Variants in TTC28 observed in about 807,000 individuals in gnomAD.
TTC28 encodes tetratricopeptide repeat domain 28.
TTC28 carries 61 observed loss-of-function variants against 198.0 expected under a neutral mutation model. The ratio of observed to expected loss-of-function variants is 0.31; its 90% confidence interval spans 0.25 to 0.38. The LOEUF is 0.38. Among genes scored for constraint, TTC28 ranks in the 10% least tolerant of loss-of-function variants. The pLI is 1.00. For synonymous variants in TTC28, 1,171 were observed against 1,297.8 expected, an observed-to-expected ratio of 0.90 and a Z score of 2.10; for missense variants, 2,678 against 3,164.0, an observed-to-expected ratio of 0.85 and a Z score of 3.69.
chr22:28,468,332 AC>A (rs1357793285), intron 2 of TTC28, among the ~76,000 whole-genome samples: 1 of 152,102 alleles, frequency 6.6e-6, no homozygotes, highest in African/African-American at 2.4e-5. Context: ...CAATCCCAAG[AC>A]CCACAGAATC....
intron 2 of TTC28, among the ~76,000 whole-genome samples, chr22:28,486,067 G>T (rs2048311457): frequency 6.6e-6 from 1 of 151,978 alleles, no homozygotes; most frequent in South Asian, 2.1e-4. Context: ...CAATTATAAG[G>T]GAAAATTGAT....
At chr22:28,621,516 A>G (rs1330291376) in intron 2 of TTC28, among the ~76,000 whole-genome samples, 3 of 151,838 alleles carry the variant, frequency 2.0e-5, no homozygotes, top group Non-Finnish European at 4.4e-5. Flanking sequence ...GGAGTTTGAG[A>G]CCAGCCTGGG....
rs908560326 is a variant in TTC28 at position 27,980,806 on chromosome 22, C to G, written c.*1415G>C. On this transcript the variant is annotated 3_prime_UTR_variant, in exon 23 of 23. Transcript: ENST00000397906. Reference sequence around the variant, plus strand: ...TCTTTATAAAATAAATTAATGGTTACCCCTAACTAGATGATTCCCTTGTCT... The same window carrying G: ...TCTTTATAAAATAAATTAATGGTTAGCCCTAACTAGATGATTCCCTTGTCT... 1 of 152,228 alleles carries G rather than the reference C, an allele frequency of 6.6e-6. No individual in the cohort carries two copies. Among genetic ancestry groups the G allele is most frequent in the Non-Finnish European group, 1.5e-5 (1 of 68,056 alleles). 9.4% of individuals were successfully genotyped at this position (152,228 alleles called of 1,614,324 possible). A position where few individuals can be genotyped will look rare whatever the true frequency, so the allele number is the denominator to read the frequency against.
chr22:28,547,696 C>T (rs1226996712), intron 2 of TTC28, among the ~76,000 whole-genome samples: 1 of 151,664 alleles, frequency 6.6e-6, no homozygotes, highest in African/African-American at 2.4e-5. Context: ...GCATTCCTTC[C>T]ATAGTCAGAC....
chr22:28,284,682 C>CAA (rs2044647122), intron 5 of TTC28, among the ~76,000 whole-genome samples: 1 of 151,840 alleles, frequency 6.6e-6, no homozygotes, highest in South Asian at 2.1e-4. Context: ...TTAAAAAAAG[C>CAA]AAAGGACCTG....
intron 13 of TTC28, 110 bp downstream of exon 13, chr22:28,030,116 A>G: frequency 1.4e-6 from 2 of 1,439,130 alleles, no homozygotes; most frequent in Non-Finnish European, 9.3e-7. Flanking sequence ...CAAATGCATG[A>G]CACGAGCCAG....
Position 28,107,380 on chromosome 22 carries a change from T to C in TTC28, c.2465A>G (p.Asp822Gly), listed in dbSNP as rs1410226399. The C allele has an allele frequency of 2.6e-6, 4 of 1,551,750 alleles. No homozygotes were observed. The highest frequency in any genetic ancestry group is 2.6e-6 in the Non-Finnish European group (3 of 1,147,052). The change falls in exon 7 of 23, where the codon GAT becomes GGT. Residue 822 changes from aspartate to glycine, a missense_variant. By Grantham distance (94) the Asp-to-Gly change is moderately conservative (BLOSUM62 -1). Coordinates refer to ENST00000397906, the MANE Select transcript of TTC28 (RefSeq NM_001145418.2). Reference sequence around the variant, plus strand: ...CGGATCCTTCAGCTTTTGCCCTAGATCCAGTTGCTCTTCATAACACTTGAA... The same window carrying C: ...CGGATCCTTCAGCTTTTGCCCTAGACCCAGTTGCTCTTCATAACACTTGAA... Reference protein sequence around the residue: ...MAFKCYEEQLDLGQKLKDPSL... With the variant: ...MAFKCYEEQLGLGQKLKDPSL...
At chr22:28,169,677 TG>T (rs1922446929) in intron 5 of TTC28, among the ~76,000 whole-genome samples, 1 of 151,890 alleles carries the variant, frequency 6.6e-6, no homozygotes, top group African/African-American at 2.4e-5. Flanking sequence ...TTGTGGGTTG[TG>T]GGGAGCGGGG....
rs973808241 is a variant in TTC28, at chr22:28,478,030, A to G, written c.381+151522T>C. Among the ~76,000 whole-genome samples, 134 of 152,062 alleles carry G rather than the reference A, an allele frequency of 8.8e-4. 2 individuals are homozygous for G. The highest frequency in any genetic ancestry group is 2.1e-4 in the Non-Finnish European group (14 of 68,006). ...ACTGGACCACCCAGCTGACCCCTAG[A>G]CTTCATGATTATTCTTGTATACCTC... On this transcript the variant is annotated intron_variant, in intron 2 of 22. Coordinates refer to ENST00000397906, the MANE Select transcript of TTC28 (RefSeq NM_001145418.2).
chr22:28,188,537 C>T (rs1924416358), intron 5 of TTC28, among the ~76,000 whole-genome samples: 1 of 152,132 alleles, frequency 6.6e-6, no homozygotes, highest in South Asian at 2.1e-4. Context: ...TAAGTCTGCT[C>T]CCCTAATCTG....
At chr22:28,607,618 G>A (rs2050754622) in intron 2 of TTC28, among the ~76,000 whole-genome samples, 1 of 152,094 alleles carries the variant, frequency 6.6e-6, no homozygotes, top group South Asian at 2.1e-4. Context: ...ATGCACAGAT[G>A]TTAAGACTTT....
chr22:28,065,029 T>A (rs1025743050), intron 12 of TTC28, among the ~76,000 whole-genome samples: 1 of 152,192 alleles, frequency 6.6e-6, no homozygotes, highest in East Asian at 1.9e-4. Flanking sequence ...ACATTATACA[T>A]AGGAATGCAT....
chr22:28,620,644 T>G (rs942067828), intron 2 of TTC28, among the ~76,000 whole-genome samples: 1 of 152,148 alleles, frequency 6.6e-6, no homozygotes, highest in Admixed American at 6.5e-5. Context: ...TACCAAAATG[T>G]AGAAGTGGTC....
chr22:28,125,015 C>T (rs1942880161), intron 6 of TTC28, among the ~76,000 whole-genome samples: 2 of 152,212 alleles, frequency 1.3e-5, no homozygotes, highest in Admixed American at 1.3e-4. Flanking sequence ...GAATACATTG[C>T]ATACCCTAGA....
At position 28,480,543 on chromosome 22, in the gene TTC28, C is replaced by T. The variant is rs187301373; in HGVS notation, c.381+149009G>A. 2.6e-5 allele frequency among the ~76,000 whole-genome samples: 4 copies of T among 152,228 alleles called. No homozygotes were observed. The East Asian group carries it at 5.8e-4, about 22-fold the overall frequency. ...AAAGCAGTCTGGCACATTTCTCTAG[C>T]GCACTAACAATCTGATGATTGAAAT... is the stretch of plus-strand genomic sequence containing the variant. On this transcript the variant is annotated intron_variant, in intron 2 of 22. Coordinates refer to ENST00000397906, the MANE Select transcript of TTC28 (RefSeq NM_001145418.2).
rs1262911603 is a variant in TTC28, at chr22:28,296,318, T to C, written c.813A>G (p.Thr271=). Residue 271 remains threonine, a synonymous_variant, in exon 5 of 23, where the codon ACA becomes ACG. Coordinates refer to ENST00000397906, the MANE Select transcript of TTC28 (RefSeq NM_001145418.2). ...GATTCCCATGAGCTCGGCATTCTCC[T>C]GTCTGGTCACCTGGATTGAATTGAG... The part of the protein sequence containing the change: ...LDVAKTLGDQ[T]GECRAHGNLG... 6 of 1,532,848 alleles carry C rather than the reference T, an allele frequency of 3.9e-6. No individual in the cohort carries two copies. The highest frequency in any genetic ancestry group is 5.3e-6 in the Non-Finnish European group (6 of 1,140,626). 95.0% of individuals were successfully genotyped at this position (1,532,848 alleles called of 1,614,324 possible).
chr22:28,382,664 C>G (rs2046513636), intron 2 of TTC28, among the ~76,000 whole-genome samples: 1 of 152,042 alleles, frequency 6.6e-6, no homozygotes, highest in South Asian at 2.1e-4. Context: ...GAAATAAAAG[C>G]TAAAAAGCAC....
chr22:28,322,200 G>A (rs374457579), intron 2 of TTC28, among the ~76,000 whole-genome samples: 3 of 152,198 alleles, frequency 2.0e-5, no homozygotes, highest in South Asian at 4.1e-4. Flanking sequence ...CCTTTAGACA[G>A]ATTTTTGTAT....
At chr22:28,627,808 A>G (rs2051101057) in intron 2 of TTC28, among the ~76,000 whole-genome samples, 1 of 152,132 alleles carries the variant, frequency 6.6e-6, no homozygotes, top group South Asian at 2.1e-4. Flanking sequence ...TTAGGGAATT[A>G]CACAATAGTA....
Sources: allele counts gnomAD v4.1 joint callset (sites outside exome capture counted in the v4.1 genomes callset), GRCh38; gene constraint gnomAD v4.1.1; transcripts MANE v1.5; gene names NCBI Gene and HGNC (gene_info 2026-07-23, HGNC 2026-07-21).